The following CLYBL variants were observed in gnomAD, a reference collection of about 807,000 sequenced individuals.
CLYBL encodes citramalyl-CoA lyase.
CLYBL carries 31 observed loss-of-function variants against 38.9 expected under a neutral mutation model. The ratio of observed to expected loss-of-function variants is 0.80; its 90% CI spans 0.60 to 1.08. The LOEUF (loss-of-function observed/expected upper bound fraction) is 1.08. CLYBL is among the 50% of genes least tolerant of loss of function. CLYBL has a pLI of 0.00. For missense variants in CLYBL, 434 were observed against 411.6 expected (o/e 1.05, Z -0.47); for synonymous variants, 171 against 158.6 (o/e 1.08, Z -0.59).
At chr13:99,785,926 A>G (rs1426300014) in intron 2 of CLYBL, among the ~76,000 whole-genome samples, 2 of 150,260 alleles carry the variant, frequency 1.3e-5, no homozygotes, top group Admixed American at 6.6e-5. Flanking sequence ...TTTTTTTTCT[A>G]TTTCAGGCAT....
intron 2 of CLYBL, among the ~76,000 whole-genome samples, chr13:99,810,299 T>C (rs778922523): frequency 1.6e-4 from 24 of 151,992 alleles, no homozygotes; most frequent in Non-Finnish European, 2.9e-4. Flanking sequence ...GAAGAGAAAA[T>C]ACAAGAGAGT....
chr13:99,826,903 G>A (rs914278886), intron 2 of CLYBL, among the ~76,000 whole-genome samples: 1 of 152,190 alleles, frequency 6.6e-6, no homozygotes, highest in Non-Finnish European at 1.5e-5. Context: ...TGGGACTCAC[G>A]TTGTAAGCTT....
At chr13:99,665,364 T>C (rs1258792924) in intron 1 of CLYBL, among the ~76,000 whole-genome samples, 1 of 151,934 alleles carries the variant, frequency 6.6e-6, no homozygotes, top group Non-Finnish European at 1.5e-5. Context: ...ATAATTAAAA[T>C]TGTCTAAGTG....
intron 1 of CLYBL, among the ~76,000 whole-genome samples, chr13:99,650,228 A>T (rs1403988953): frequency 2.0e-5 from 3 of 151,806 alleles, no homozygotes; most frequent in African/African-American, 4.8e-5. Context: ...GCGCCACTGC[A>T]CTCCAGCCTG....
chr13:99,772,229 T>C (rs1179138839), intron 1 of CLYBL, among the ~76,000 whole-genome samples: 3 of 152,230 alleles, frequency 2.0e-5, no homozygotes, highest in Non-Finnish European at 4.4e-5. Context: ...ATAACAATAC[T>C]GGAAGTGTTT....
At chr13:99,800,129 G>C (rs2050102414) in intron 2 of CLYBL, among the ~76,000 whole-genome samples, 3 of 152,298 alleles carry the variant, frequency 2.0e-5, no homozygotes, top group Admixed American at 1.3e-4. Context: ...CCCTCCTTCA[G>C]ACCTTGCCTC....
chr13:99,790,913 A>C (rs900992123), intron 2 of CLYBL, among the ~76,000 whole-genome samples: 1 of 152,228 alleles, frequency 6.6e-6, no homozygotes, highest in Non-Finnish European at 1.5e-5. Flanking sequence ...CATATCCGCC[A>C]ATGGCTCCTG....
At position 99,833,031 on chromosome 13, in the gene CLYBL, T is replaced by TATATATATATATATATA. The variant is rs57543837; in HGVS notation, c.250-25830_250-25829insATATATATATATATATA. ...ACATATATATATATATATATATATA[T>TATATATATATATATATA]TTTTTTTTTTTTTTTTTTTTTTTTT... On this transcript the variant is annotated intron_variant, in intron 2 of 8. Transcript: ENST00000339105. Among the ~76,000 whole-genome samples, 30 of 21,060 alleles carry TATATATATATATATATA rather than the reference T, an allele frequency of 1.4e-3. 1 individual carries two copies. The highest frequency in any genetic ancestry group is 2.7e-3 in the East Asian group (1 of 364). 13.8% of individuals were successfully genotyped at this position (21,060 alleles called of 152,430 possible). A position where few individuals can be genotyped will look rare whatever the true frequency, so the allele number is the denominator to read the frequency against.
chr13:99,891,485 T>A, intron 8 of CLYBL, 48 bp downstream of exon 8: 1 of 1,034,148 alleles, frequency 9.7e-7, no homozygotes, highest in Non-Finnish European at 1.5e-6. Flanking sequence ...ACCACAATAC[T>A]CAAAGCAACT....
intron 9 of CLYBL, among the ~76,000 whole-genome samples, chr13:99,906,955 C>T (rs2052704056): frequency 6.6e-6 from 1 of 152,146 alleles, no homozygotes; most frequent in Admixed American, 6.5e-5. Context: ...GGAATTTATC[C>T]TAAAGAAATT....
exon 10 of CLYBL, among the ~76,000 whole-genome samples, chr13:99,908,489 T>C (rs2052719747): frequency 6.6e-6 from 1 of 152,242 alleles, no homozygotes; most frequent in African/African-American, 2.4e-5. Context: ...GGAAGCCTGA[T>C]CATTCTTCCA....
chr13:99,846,648 A>G (rs2051212469), intron 2 of CLYBL, among the ~76,000 whole-genome samples: 1 of 152,230 alleles, frequency 6.6e-6, no homozygotes, highest in South Asian at 2.1e-4. Context: ...ACAAGAAGTC[A>G]AGGACTGGCT....
chr13:99,905,965 GGTCTCACCATGTTGCCCA>G (rs1187921689), intron 9 of CLYBL, among the ~76,000 whole-genome samples: 1 of 151,824 alleles, frequency 6.6e-6, no homozygotes, highest in African/African-American at 2.4e-5. Context: ...GTAGAAACGG[GGTCTCACCATGTTGCCCA>G]GTCTGTTCTT....
chr13:99,752,851 G>A (rs2048982825), intron 1 of CLYBL, among the ~76,000 whole-genome samples: 1 of 152,138 alleles, frequency 6.6e-6, no homozygotes, highest in African/African-American at 2.4e-5. Flanking sequence ...CACCAAACAG[G>A]AAGGGTGTTC....
chr13:99,792,074 T>A (rs943607167), intron 2 of CLYBL, among the ~76,000 whole-genome samples: 1 of 151,918 alleles, frequency 6.6e-6, no homozygotes, highest in Admixed American at 6.5e-5. Flanking sequence ...ATGTTACTTA[T>A]TTTTTTTCCC....
intron 1 of CLYBL, among the ~76,000 whole-genome samples, chr13:99,724,688 C>T (rs1323242203): frequency 6.6e-6 from 1 of 152,108 alleles, no homozygotes; most frequent in East Asian, 1.9e-4. Flanking sequence ...TGAGCACGAG[C>T]AGAACGCACC....
chr13:99,632,631 G>C (rs2046961409), intron 1 of CLYBL, among the ~76,000 whole-genome samples: 1 of 152,118 alleles, frequency 6.6e-6, no homozygotes, highest in African/African-American at 2.4e-5. Context: ...TGTAGTCCCA[G>C]CTATTCAAGA....
chr13:99,886,215 T>C (rs1007208149), intron 7 of CLYBL, among the ~76,000 whole-genome samples: 1 of 152,212 alleles, frequency 6.6e-6, no homozygotes, highest in African/African-American at 2.4e-5. Flanking sequence ...TTTGGAAACA[T>C]AGTGAATAGG....
chr13:99,676,983 AAAG>A (rs535371468), intron 1 of CLYBL, among the ~76,000 whole-genome samples: 3 of 151,894 alleles, frequency 2.0e-5, no homozygotes, highest in Non-Finnish European at 4.4e-5. Flanking sequence ...AAAAAAAAAA[AAAG>A]GACAAAGTTG....
Sources: allele counts gnomAD v4.1 joint callset (sites outside exome capture counted in the v4.1 genomes callset), GRCh38; gene constraint gnomAD v4.1.1; transcripts MANE v1.5; gene names NCBI Gene and HGNC (gene_info 2026-07-23, HGNC 2026-07-21).